MED13L: variants seen among roughly 807,000 people sequenced by gnomAD.
MED13L encodes mediator complex subunit 13L.
Under a neutral mutation model 220.9 loss-of-function variants are expected in MED13L, and 7 were observed. The observed-to-expected ratio is 0.03, with a 90% CI of 0.02 to 0.06. The LOEUF is 0.06. Ranked by LOEUF, MED13L falls within the 10% of genes least tolerant of loss-of-function variation. The pLI, the probability that MED13L is intolerant of heterozygous loss-of-function variation, is 1.00. For synonymous variants in MED13L, 1,011 were observed against 1,015.2 expected (o/e 1.00, Z 0.08); for missense variants, 1,965 against 2,760.5 (o/e 0.71, Z 6.46).
At chr12:115,975,838 G>T in intron 23 of MED13L, 100 bp from the exon 24 acceptor site, 1 of 1,081,328 alleles carries the variant, frequency 9.2e-7, no homozygotes, top group Non-Finnish European at 1.4e-6. Context: ...GGGAGTAATG[G>T]TAGTAAATCG....
intron 4 of MED13L, among the ~76,000 whole-genome samples, chr12:116,065,061 AT>A (rs972496196): frequency 1.3e-5 from 2 of 152,208 alleles, no homozygotes; most frequent in African/African-American, 4.8e-5. Context: ...AATGGTATAT[AT>A]TTTTTATTTA....
chr12:115,977,977 C>CA (rs752483204), intron 23 of MED13L, among the ~76,000 whole-genome samples: 39 of 152,128 alleles, frequency 2.6e-4, no homozygotes, highest in Admixed American at 4.6e-4. Flanking sequence ...CCCTGGGTGA[C>CA]AGAGCGAGAC....
intron 2 of MED13L, among the ~76,000 whole-genome samples, chr12:116,131,337 G>C (rs369494701): frequency 2.6e-5 from 4 of 152,196 alleles, no homozygotes; most frequent in Non-Finnish European, 4.4e-5. Context: ...CAGAGGAAAG[G>C]CTGTATCAAG....
chr12:116,212,239 C>A (rs76078300), intron 2 of MED13L, among the ~76,000 whole-genome samples: 5,756 of 152,176 alleles, frequency 0.038, 370 homozygotes, highest in African/African-American at 0.13. Flanking sequence ...TCACTGTATA[C>A]CTTTGTAATT....
chr12:116,250,609 C>CAAA (rs560814737), intron 1 of MED13L, among the ~76,000 whole-genome samples: 14 of 70,266 alleles, frequency 2.0e-4, no homozygotes, highest in Admixed American at 1.1e-3. Flanking sequence ...ACTAAAAATA[C>CAAA]AAAAAAAAAA....
chr12:116,042,974 T>C (rs1226649334), intron 4 of MED13L, among the ~76,000 whole-genome samples: 2 of 152,204 alleles, frequency 1.3e-5, no homozygotes, highest in Admixed American at 6.5e-5. Context: ...TAGCCGATGT[T>C]CATGTTAAAC....
chr12:116,018,402 T>C (rs1184058978), intron 7 of MED13L, among the ~76,000 whole-genome samples: 1 of 152,242 alleles, frequency 6.6e-6, no homozygotes, highest in Non-Finnish European at 1.5e-5. Context: ...GGATTACGTA[T>C]GTATCATGCT....
At position 115,974,090 on chromosome 12, in the gene MED13L, C is replaced by T. The variant is rs1190496371; in HGVS notation, c.5731+1081G>A. Among the ~76,000 whole-genome samples, 3 of 151,896 alleles carry T rather than the reference C, an allele frequency of 2.0e-5. No individual in the cohort carries two copies. The East Asian group carries it at 5.8e-4, about 29-fold the overall frequency. On this transcript the variant is annotated intron_variant, in intron 25 of 30. Transcript: ENST00000281928. ...AATGCAGGGACCAGCAAACTATGAT[C>T]CACAGGCCAAATCCTGCCTCCCATT...
chr12:115,973,120 G>A (rs1343943073), intron 25 of MED13L, among the ~76,000 whole-genome samples: 1 of 152,104 alleles, frequency 6.6e-6, no homozygotes, highest in East Asian at 1.9e-4. Flanking sequence ...ACCCCAAACT[G>A]AAGTGGCTGA....
At position 116,103,889 on chromosome 12, in the gene MED13L, G is replaced by A. The variant is rs555012534; in HGVS notation, c.396-7137C>T. ...CTCCTGTTATCACATTATACCCAAC[G>A]ACTGTCAATGTTACATCACGATTTC... On this transcript the variant is annotated intron_variant, in intron 3 of 30. Transcript: ENST00000281928. 2.6e-5 allele frequency among the ~76,000 whole-genome samples: 4 copies of A among 151,358 alleles called. No homozygotes were observed. In the South Asian group the frequency reaches 8.3e-4, roughly 32 times the overall value.
intron 2 of MED13L, among the ~76,000 whole-genome samples, chr12:116,137,412 A>ATT (rs1876652855): frequency 6.6e-6 from 1 of 152,140 alleles, no homozygotes; most frequent in Non-Finnish European, 1.5e-5. Context: ...GAATTATGTA[A>ATT]TTTTCTCAAG....
At chr12:116,201,166 A>G (rs1417963570) in intron 2 of MED13L, among the ~76,000 whole-genome samples, 1 of 152,236 alleles carries the variant, frequency 6.6e-6, no homozygotes, top group Non-Finnish European at 1.5e-5. Context: ...GAGAGTATCT[A>G]TCTTTACCCA....
At chr12:116,195,326 T>C (rs766979772) in intron 2 of MED13L, among the ~76,000 whole-genome samples, 4 of 152,026 alleles carry the variant, frequency 2.6e-5, no homozygotes, top group African/African-American at 7.2e-5. Flanking sequence ...GAAGGGACTG[T>C]GGGGAGTGGG....
chr12:116,065,301 A>G (rs1317614884), intron 4 of MED13L, among the ~76,000 whole-genome samples: 2 of 152,310 alleles, frequency 1.3e-5, no homozygotes, highest in South Asian at 4.1e-4. Flanking sequence ...GTTTACATGT[A>G]TGGTATGCTC....
intron 2 of MED13L, among the ~76,000 whole-genome samples, chr12:116,137,143 A>T (rs1265182398): frequency 6.6e-6 from 1 of 152,040 alleles, no homozygotes; most frequent in Non-Finnish European, 1.5e-5. Flanking sequence ...AAACTACCAG[A>T]TATTGTCTAT....
chr12:116,034,089 T>C (rs1265613317), intron 4 of MED13L, among the ~76,000 whole-genome samples: 3 of 152,042 alleles, frequency 2.0e-5, no homozygotes, highest in African/African-American at 7.3e-5. Flanking sequence ...CCTATTTATA[T>C]TTTCCATGAA....
Position 116,120,364 on chromosome 12 carries a change from G to T in MED13L, c.311-8852C>A, listed in dbSNP as rs1039161955. ...CAAAATTTGGACCTAAAATTAATGT[G>T]TTCTAGTTACATGTTAACTTTTTCA... On this transcript the variant is annotated intron_variant, in intron 2 of 30. Transcript: ENST00000281928. Among the ~76,000 whole-genome samples, 4 of 151,882 alleles carry T rather than the reference G, an allele frequency of 2.6e-5. No homozygotes were observed. In the East Asian group the frequency reaches 7.7e-4, roughly 29 times the overall value.
intron 2 of MED13L, among the ~76,000 whole-genome samples, chr12:116,147,704 T>G (rs1877643165): frequency 6.6e-6 from 1 of 152,166 alleles, no homozygotes; most frequent in African/African-American, 2.4e-5. Context: ...GTAATTTTTC[T>G]ACCTTACAAG....
At chr12:115,981,267 T>C (rs1877310019) in intron 22 of MED13L, among the ~76,000 whole-genome samples, 1 of 152,208 alleles carries the variant, frequency 6.6e-6, no homozygotes, top group South Asian at 2.1e-4. Flanking sequence ...CAAAATTTTA[T>C]TATATTTCTT....
Sources: gnomAD v4.1 joint callset for allele counts (sites outside exome capture counted in the v4.1 genomes callset) on GRCh38, gnomAD v4.1.1 for gene constraint, MANE v1.5 for transcripts, NCBI Gene and HGNC (gene_info 2026-07-23, HGNC 2026-07-21) for gene names.